RFTN1: variants seen among roughly 807,000 people sequenced by gnomAD.
The protein encoded by RFTN1 is raftlin.
A neutral mutation model predicts 46.5 loss-of-function variants in RFTN1; 26 were observed. The observed-to-expected ratio is 0.56, with a 90% CI of 0.41 to 0.78. RFTN1 has a LOEUF of 0.78. RFTN1 is among the 30% of genes least tolerant of loss of function. RFTN1 has a pLI of 0.00. For missense variants in RFTN1, 693 were observed against 718.7 expected, an observed-to-expected ratio of 0.96 and a Z score of 0.41; for synonymous variants, 261 against 284.2, an observed-to-expected ratio of 0.92 and a Z score of 0.82.
intron 2 of RFTN1, among the ~76,000 whole-genome samples, chr3:16,478,626 C>G (rs1336584839): frequency 6.6e-6 from 1 of 152,214 alleles, no homozygotes; most frequent in Admixed American, 6.5e-5. Context: ...GCCTCTGGCT[C>G]AAAATCTTTC....
rs2076827056 is a variant in RFTN1 at position 16,507,599 on chromosome 3, A to ACACAC, written c.-9+5842_-9+5843insGTGTG. ...TAAAAGGCAAAGTAGGGAGTTTCAA[A>ACACAC]ACACACACACACACACACACACATA... On this transcript the variant is annotated intron_variant, in intron 1 of 9. Coordinates refer to ENST00000334133, the MANE Select transcript of RFTN1 (RefSeq NM_015150.2). This position sits in a 1 kb window ranked among gnomAD's most constrained non-coding sequence, Gnocchi z 7.1. 7.0e-6 allele frequency among the ~76,000 whole-genome samples: 1 copy of ACACAC among 142,634 alleles called. No homozygotes were observed. The highest frequency in any genetic ancestry group is 2.6e-5 in the African/African-American group (1 of 38,268). The allele number at this position is 142,634 out of a possible 152,430, so 93.6% of individuals were successfully genotyped here.
chr3:16,397,851 G>A lies in RFTN1; in HGVS notation c.441+11524C>T, dbSNP rs891714427. ...AAATAGAGCGGTATTTGGAGAGGAG[G>A]AAAAGCCAGGAGAAAGTTCTCAGGT... On this transcript the variant is annotated intron_variant, in intron 4 of 9. Transcript: ENST00000334133. 3.4e-4 allele frequency among the ~76,000 whole-genome samples: 51 copies of A among 152,144 alleles called. 2 individuals carry two copies. Among genetic ancestry groups the A allele is most frequent in the Admixed American group, 2.1e-3 (32 of 15,280 alleles).
intron 4 of RFTN1, among the ~76,000 whole-genome samples, chr3:16,398,645 G>A (rs1217739966): frequency 6.6e-6 from 1 of 152,122 alleles, no homozygotes; most frequent in Non-Finnish European, 1.5e-5. Flanking sequence ...TCACCTTCAG[G>A]AGCTCCCAGG....
In RFTN1 at chr3:16,324,613, A is replaced by AC. The variant is rs111849488; in HGVS notation, c.1251-1157dup. 6.3e-3 allele frequency among the ~76,000 whole-genome samples: 568 copies of AC among 90,752 alleles called. 85 individuals are homozygous for AC. The highest frequency in any genetic ancestry group is 0.023 in the Middle Eastern group (4 of 172). 59.5% of individuals were successfully genotyped at this position (90,752 alleles called of 152,430 possible). On this transcript the variant is annotated intron_variant, in intron 8 of 9. Transcript: ENST00000334133. Reference sequence around the variant, plus strand: ...TGTAATAAATAACAGAATGTCCCTGACCCCCCCCCTTTTAAGGTTGCATAG... The same window carrying AC: ...TGTAATAAATAACAGAATGTCCCTGACCCCCCCCCCTTTTAAGGTTGCATAG...
chr3:16,316,574 A>T lies in RFTN1; in HGVS notation c.*254T>A, dbSNP rs2068418544. ...TGGAGCCAGGACTGGGCCTTCAGCC[A>T]TGAGGGCTAGAATAACCTGACCTCT... On this transcript the variant is annotated 3_prime_UTR_variant, in exon 10 of 10. Transcript: ENST00000334133. This position sits in a 1 kb window ranked among gnomAD's most constrained non-coding sequence, Gnocchi z 4.5. 2 of 527,492 alleles carry T rather than the reference A, an allele frequency of 3.8e-6. No individual in the cohort carries two copies. The highest frequency in any genetic ancestry group is 3.5e-5 in the Admixed American group (1 of 28,636). The allele number at this position is 527,492 out of a possible 1,614,324, so 32.7% of individuals were successfully genotyped here. A position where few individuals can be genotyped will look rare whatever the true frequency, so the allele number is the denominator to read the frequency against.
rs1336797442 is a variant in RFTN1 at position 16,451,359 on chromosome 3, T to C, written c.146-17322A>G. ...ACACATGGTAGATGCCCCTGCATGC[T>C]GGACACGAAGTCTAATAGGGCACTC... On this transcript the variant is annotated intron_variant, in intron 2 of 9. Transcript: ENST00000334133. The surrounding 1 kb of genome is among the most constrained non-coding windows in gnomAD (Gnocchi z 4.2). 1.3e-5 allele frequency among the ~76,000 whole-genome samples: 2 copies of C among 152,204 alleles called. No individual in the cohort carries two copies. Among genetic ancestry groups the C allele is most frequent in the East Asian group, 3.9e-4 (2 of 5,190 alleles).
In RFTN1 at chr3:16,475,266, T is replaced by C. The variant is rs1429160; in HGVS notation, c.145+18459A>G. Among the ~76,000 whole-genome samples, 78,936 of 152,002 alleles carry C rather than the reference T, an allele frequency of 0.52. 20,729 individuals carry two copies. Among genetic ancestry groups the C allele is most frequent in the South Asian group, 0.66 (3,176 of 4,808 alleles). On this transcript the variant is annotated intron_variant, in intron 2 of 9. Coordinates refer to ENST00000334133, the MANE Select transcript of RFTN1 (RefSeq NM_015150.2). The surrounding 1 kb of genome is among the most constrained non-coding windows in gnomAD (Gnocchi z 4.2). ...CAAATAAACTTTTTTTCTTTATAAA[T>C]TGCCCAGTTTCAAGTATTCTTTTAT...
Position 16,442,388 on chromosome 3 carries a change from C to T in RFTN1, c.146-8351G>A, listed in dbSNP as rs1337802359. Among the ~76,000 whole-genome samples the T allele has an allele frequency of 6.6e-6, 1 of 152,118 alleles. No homozygotes were observed. Among genetic ancestry groups the T allele is most frequent in the East Asian group, 1.9e-4 (1 of 5,194 alleles). On this transcript the variant is annotated intron_variant, in intron 2 of 9. Transcript: ENST00000334133. The surrounding 1 kb of genome is among the most constrained non-coding windows in gnomAD (Gnocchi z 4.1). ...AGTTACTCTTCCCATTCCCCTCTCT[C>T]CCCGAGCCCTAGCAATCAATAACAT...
At position 16,424,924 on chromosome 3, in the gene RFTN1, T is replaced by G. The variant is rs1250526584; in HGVS notation, c.332+8927A>C. Among the ~76,000 whole-genome samples, 1 of 147,358 alleles carries G rather than the reference T, an allele frequency of 6.8e-6. No individual in the cohort carries two copies. Among genetic ancestry groups the G allele is most frequent in the Non-Finnish European group, 1.5e-5 (1 of 66,012 alleles). ...ACTGGTAATGCCCATTATATCTTTT[T>G]CAGCTTGAAAAACACACAAAAAAAA... On this transcript the variant is annotated intron_variant, in intron 3 of 9. Coordinates refer to ENST00000334133, the MANE Select transcript of RFTN1 (RefSeq NM_015150.2). The surrounding 1 kb of genome is among the most constrained non-coding windows in gnomAD (Gnocchi z 4.7).
chr3:16,398,244 CAAAAA>C (rs202032095), intron 4 of RFTN1, among the ~76,000 whole-genome samples: 36 of 110,886 alleles, frequency 3.2e-4, no homozygotes, highest in African/African-American at 7.7e-4. Context: ...AAGACTGTCT[CAAAAA>C]AAAAAAAAAA....
At chr3:16,467,793 A>T (rs2076126003) in intron 2 of RFTN1, among the ~76,000 whole-genome samples, 1 of 152,238 alleles carries the variant, frequency 6.6e-6, no homozygotes. Context: ...GAAAGAAGAC[A>T]GAAATGGGTG....
At position 16,337,650 on chromosome 3, in the gene RFTN1, G is replaced by C. The variant is rs981390158; in HGVS notation, c.1147-10774C>G. Among the ~76,000 whole-genome samples, 1 of 151,156 alleles carries C rather than the reference G, an allele frequency of 6.6e-6. No individual in the cohort carries two copies. The highest frequency in any genetic ancestry group is 2.4e-5 in the African/African-American group (1 of 41,024). ...CCAGCTACTCGGGAGGCTGAGGCAG[G>C]AGAATCGCTTGAACCCAGGAGGCGG... On this transcript the variant is annotated intron_variant, in intron 7 of 9. Coordinates refer to ENST00000334133, the MANE Select transcript of RFTN1 (RefSeq NM_015150.2). The surrounding 1 kb of genome is among the most constrained non-coding windows in gnomAD (Gnocchi z 5.0).
rs1194529721 is a variant in RFTN1, at chr3:16,402,051, CCT to C, written c.441+7322_441+7323del. On this transcript the variant is annotated intron_variant, in intron 4 of 9. Coordinates refer to ENST00000334133, the MANE Select transcript of RFTN1 (RefSeq NM_015150.2). The surrounding 1 kb of genome is among the most constrained non-coding windows in gnomAD (Gnocchi z 4.5). ...ACCACAGCTGCCTTCTGGAATGTTC[CCT>C]GAGTGTCCCCCTGACCCCTCAAGTC... 6.6e-6 allele frequency among the ~76,000 whole-genome samples: 1 copy of C among 152,140 alleles called. No individual in the cohort carries two copies. Among genetic ancestry groups the C allele is most frequent in the African/African-American group, 2.4e-5 (1 of 41,434 alleles).
chr3:16,471,469 T>C (rs1241717556), intron 2 of RFTN1, among the ~76,000 whole-genome samples: 1 of 152,184 alleles, frequency 6.6e-6, no homozygotes, highest in African/African-American at 2.4e-5. Flanking sequence ...ATTGTTGCCA[T>C]AATTCACATA....
chr3:16,439,866 T>C (rs2075588637), intron 2 of RFTN1, among the ~76,000 whole-genome samples: 1 of 151,914 alleles, frequency 6.6e-6, no homozygotes, highest in Admixed American at 6.5e-5. Flanking sequence ...TGCCCAGCGG[T>C]GGGAGAGAAA....
In RFTN1 at chr3:16,413,713, A is replaced by G. The variant is rs1167088602; in HGVS notation, c.333-4230T>C. On this transcript the variant is annotated intron_variant, in intron 3 of 9. Coordinates refer to ENST00000334133, the MANE Select transcript of RFTN1 (RefSeq NM_015150.2). The surrounding 1 kb of genome is among the most constrained non-coding windows in gnomAD (Gnocchi z 4.7). ...GGAAATTAACACTAAGCACTCTCCA[A>G]TTAAATAAAGACACTCTGAGGAGAG... Among the ~76,000 whole-genome samples the G allele has an allele frequency of 6.6e-6, 1 of 152,262 alleles. No homozygotes were observed. Among genetic ancestry groups the G allele is most frequent in the African/African-American group, 2.4e-5 (1 of 41,468 alleles).
At position 16,409,433 on chromosome 3, in the gene RFTN1, C is replaced by T. The variant is rs2074936531; in HGVS notation, c.383G>A (p.Cys128Tyr). The change falls in exon 4 of 10, where the codon TGC (cysteine) becomes TAC (tyrosine). Residue 128 changes from cysteine (C) to tyrosine (Y), a missense_variant. By Grantham distance (194) the Cys-to-Tyr change is radical. Coordinates refer to ENST00000334133, the MANE Select transcript of RFTN1 (RefSeq NM_015150.2). Reference protein sequence around the residue: ...HNEGYILELDCCSSLDHPTDQ... With the variant: ...HNEGYILELDYCSSLDHPTDQ... ...TGTCGGGTGGTCTAAGGAGGAACAG[C>T]AATCTAATTCCAAGATGTAGCCTTC... 1.2e-6 allele frequency: 2 copies of T among 1,613,884 alleles called. No homozygotes were observed. The highest frequency in any genetic ancestry group is 4.5e-5 in the East Asian group (2 of 44,880).
chr3:16,332,750 A>G (rs2070450434), intron 7 of RFTN1, among the ~76,000 whole-genome samples: 1 of 152,158 alleles, frequency 6.6e-6, no homozygotes, highest in Non-Finnish European at 1.5e-5. Context: ...TCCTCTATCT[A>G]CTTTCCATCT....
intron 4 of RFTN1, among the ~76,000 whole-genome samples, chr3:16,394,659 T>A (rs955530740): frequency 6.6e-6 from 1 of 152,236 alleles, no homozygotes; most frequent in African/African-American, 2.4e-5. Context: ...CATTTTGTGC[T>A]AACTCATTGA....
Sources: gnomAD v4.1 joint callset for allele counts (sites outside exome capture counted in the v4.1 genomes callset) on GRCh38, gnomAD v4.1.1 for gene constraint, Gnocchi (gnomAD v3.1) non-coding constraint, MANE v1.5 for transcripts, NCBI Gene and HGNC (gene_info 2026-07-23, HGNC 2026-07-21) for gene names.